The following INPP4B variants were observed in gnomAD, a reference collection of about 807,000 sequenced individuals.
INPP4B encodes the protein inositol polyphosphate 4-phosphatase type II.
INPP4B carries 55 observed loss-of-function variants against 122.5 expected under a neutral mutation model. The observed-to-expected ratio is 0.45, with a 90% CI of 0.36 to 0.56. The LOEUF is 0.56. Ranked by LOEUF, INPP4B falls within the 20% of genes least tolerant of loss-of-function variation. INPP4B has a pLI of 0.00. For synonymous variants in INPP4B, 403 were observed against 388.7 expected, an observed-to-expected ratio of 1.04 and a Z score of -0.43; for missense variants, 1,000 against 1,097.7, an observed-to-expected ratio of 0.91 and a Z score of 1.26.
At chr4:142,759,819 T>C (rs1388585723) in intron 1 of INPP4B, among the ~76,000 whole-genome samples, 1 of 117,732 alleles carries the variant, frequency 8.5e-6, no homozygotes, top group African/African-American at 3.9e-5. Context: ...TATATAGAGC[T>C]TTTTCTAAAA....
chr4:142,704,275 T>A (rs1220023772), intron 2 of INPP4B, among the ~76,000 whole-genome samples: 1 of 152,198 alleles, frequency 6.6e-6, no homozygotes, highest in East Asian at 1.9e-4. Flanking sequence ...GGAAACATTT[T>A]GAGATAGCTA....
At chr4:142,460,593 C>A (rs1816510069) in intron 3 of INPP4B, among the ~76,000 whole-genome samples, 1 of 152,056 alleles carries the variant, frequency 6.6e-6, no homozygotes, top group Non-Finnish European at 1.5e-5. Flanking sequence ...AGACACATCT[C>A]TAGTAGAAAG....
intron 17 of INPP4B, 63 bp from the exon 18 acceptor site, chr4:142,146,059 A>C: frequency 1.9e-6 from 3 of 1,552,064 alleles, no homozygotes; most frequent in Non-Finnish European, 2.6e-6. Flanking sequence ...GCAAAGTCGG[A>C]TAAATCTATT....
intron 16 of INPP4B, among the ~76,000 whole-genome samples, chr4:142,172,916 A>G (rs1447241949): frequency 6.6e-6 from 1 of 151,946 alleles, no homozygotes; most frequent in Admixed American, 6.6e-5. Context: ...GAAAGTGGAC[A>G]CTGGTTTTAC....
At chr4:142,207,801 C>T (rs570953873) in intron 14 of INPP4B, among the ~76,000 whole-genome samples, 3 of 152,208 alleles carry the variant, frequency 2.0e-5, no homozygotes, top group South Asian at 2.1e-4. Flanking sequence ...CATTGGAAAA[C>T]ACTTTTTTGA....
chr4:142,837,104 C>T (rs1415251507), intron 1 of INPP4B, among the ~76,000 whole-genome samples: 2 of 151,252 alleles, frequency 1.3e-5, no homozygotes, highest in African/African-American at 4.9e-5. Flanking sequence ...TACAGTGAGC[C>T]GAGATTGCTC....
chr4:142,798,846 T>TGTG (rs1777624736), intron 1 of INPP4B, among the ~76,000 whole-genome samples: 2 of 149,084 alleles, frequency 1.3e-5, no homozygotes, highest in Non-Finnish European at 3.0e-5. Flanking sequence ...GTGTATATGT[T>TGTG]TGTGTGTGTG....
intron 5 of INPP4B, among the ~76,000 whole-genome samples, chr4:142,411,478 C>G (rs1381999950): frequency 6.6e-6 from 1 of 152,172 alleles, no homozygotes; most frequent in Non-Finnish European, 1.5e-5. Flanking sequence ...GAAAGCTCAC[C>G]TCTTATGCCC....
intron 1 of INPP4B, among the ~76,000 whole-genome samples, chr4:142,733,156 C>T (rs1044290279): frequency 2.0e-5 from 3 of 151,976 alleles, no homozygotes; most frequent in Non-Finnish European, 4.4e-5. Context: ...CCTACATATA[C>T]AAAAATCATT....
intron 2 of INPP4B, among the ~76,000 whole-genome samples, chr4:142,692,391 A>G (rs778248434): frequency 2.0e-5 from 3 of 152,150 alleles, no homozygotes; most frequent in Non-Finnish European, 2.9e-5. Flanking sequence ...TACCCTAAAA[A>G]CTTTCTCAGA....
chr4:142,368,931 A>G (rs1338251081), intron 7 of INPP4B, among the ~76,000 whole-genome samples: 5 of 152,088 alleles, frequency 3.3e-5, no homozygotes, highest in Admixed American at 6.6e-5. Context: ...AGCCTGGATC[A>G]CTTCAAGAAG....
intron 25 of INPP4B, chr4:142,030,226 G>C (rs746886862): frequency 2.6e-6 from 4 of 1,535,474 alleles, no homozygotes; most frequent in African/African-American, 2.7e-5. Flanking sequence ...TAGAAGTGTC[G>C]AGAAGTTGGC....
chr4:142,479,570 TC>T (rs1223944033), intron 2 of INPP4B, among the ~76,000 whole-genome samples: 13 of 151,912 alleles, frequency 8.6e-5, no homozygotes, highest in Non-Finnish European at 7.4e-5. Context: ...TAAATCCCCA[TC>T]AACAGTAGAC....
chr4:142,173,904 A>G (rs2152952024), intron 15 of INPP4B, 95 bp from the exon 16 acceptor site: 1 of 979,598 alleles, frequency 1.0e-6, no homozygotes, highest in Non-Finnish European at 1.6e-6. Flanking sequence ...AACTCCAAGT[A>G]TCACTCTTTC....
intron 3 of INPP4B, among the ~76,000 whole-genome samples, chr4:142,444,403 A>T (rs544039648): frequency 6.6e-6 from 1 of 152,192 alleles, no homozygotes; most frequent in African/African-American, 2.4e-5. Context: ...CCAACATGAA[A>T]AAAACCTCAT....
intron 22 of INPP4B, among the ~76,000 whole-genome samples, chr4:142,111,666 T>C (rs968084122): frequency 4.6e-5 from 7 of 151,948 alleles, no homozygotes; most frequent in Admixed American, 3.3e-4. Context: ...GATCTTTAAC[T>C]GTTATCTACG....
rs990758832 is a variant in INPP4B at position 142,189,797 on chromosome 4, T to C, written c.1181+3290A>G. On this transcript the variant is annotated intron_variant, in intron 15 of 25. Coordinates refer to ENST00000262992, the MANE Select transcript of INPP4B (RefSeq NM_001101669.3). ...AGAAGTGGGTGATGAGGGTAGACACTGGTGGGCAAAATCATGGATGCTTTG... is the reference window on the plus strand; with the variant it reads ...AGAAGTGGGTGATGAGGGTAGACACCGGTGGGCAAAATCATGGATGCTTTG... Among the ~76,000 whole-genome samples, 48 of 152,196 alleles carry C rather than the reference T, an allele frequency of 3.2e-4. 1 individual carries two copies. The highest frequency in any genetic ancestry group is 6.3e-4 in the Non-Finnish European group (43 of 68,030).
At chr4:142,079,844 T>C (rs138634595) in intron 25 of INPP4B, among the ~76,000 whole-genome samples, 1,537 of 152,202 alleles carry the variant, frequency 0.01, 22 homozygotes, top group African/African-American at 0.034. Flanking sequence ...CATTTTAATA[T>C]ATGCTATTGT....
chr4:142,138,508 C>T (rs1379248637), intron 18 of INPP4B, among the ~76,000 whole-genome samples: 1 of 151,878 alleles, frequency 6.6e-6, no homozygotes, highest in East Asian at 1.9e-4. Flanking sequence ...CCACGTTGTG[C>T]ACATGTACCC....
Sources: gnomAD v4.1 joint callset for allele counts (sites outside exome capture counted in the v4.1 genomes callset) on GRCh38, gnomAD v4.1.1 for gene constraint, MANE v1.5 for transcripts, NCBI Gene and HGNC (gene_info 2026-07-23, HGNC 2026-07-21) for gene names.